Variants in DLGAP2 observed in about 807,000 individuals in gnomAD.
DLGAP2 encodes the protein disks large-associated protein 2.
DLGAP2 carries 26 observed loss-of-function variants against 100.3 expected under a neutral mutation model. That is an observed-to-expected ratio of 0.26 (90% confidence interval 0.19 to 0.36). DLGAP2 has a LOEUF of 0.36. Ranked by LOEUF, DLGAP2 falls within the 10% of genes least tolerant of loss-of-function variation. DLGAP2 has a pLI of 1.00. For synonymous variants in DLGAP2, 886 were observed against 630.1 expected (o/e 1.41, Z -6.08); for missense variants, 1,858 against 1,453.2 (o/e 1.28, Z -4.53).
intron 1 of DLGAP2, among the ~76,000 whole-genome samples, chr8:853,553 C>G (rs1192456755): frequency 6.6e-6 from 1 of 152,106 alleles, no homozygotes; most frequent in Admixed American, 6.5e-5. Context: ...AAGCCCAGGG[C>G]CAGACTCACC....
intron 2 of DLGAP2, among the ~76,000 whole-genome samples, chr8:1,058,736 A>G (rs1028827478): frequency 2.0e-5 from 3 of 152,234 alleles, no homozygotes; most frequent in Admixed American, 6.5e-5. Flanking sequence ...GCCTTATATT[A>G]TATGGACAAG....
intron 2 of DLGAP2, among the ~76,000 whole-genome samples, chr8:914,045 T>C (rs1798542278): frequency 6.6e-6 from 1 of 152,274 alleles, no homozygotes; most frequent in South Asian, 2.1e-4. Flanking sequence ...AGATTAAATA[T>C]GAGGTCTCAT....
At chr8:1,347,261 C>A (rs533122532) in intron 3 of DLGAP2, among the ~76,000 whole-genome samples, 7 of 151,430 alleles carry the variant, frequency 4.6e-5, no homozygotes, top group Admixed American at 1.3e-4. Context: ...GGTTGAGTTC[C>A]CACATAGAGC....
At chr8:1,456,318 C>T (rs1227329677) in intron 3 of DLGAP2, among the ~76,000 whole-genome samples, 3 of 152,214 alleles carry the variant, frequency 2.0e-5, no homozygotes, top group Admixed American at 2.0e-4. Context: ...AGGCTGCCAC[C>T]CTGTACGTAT....
intron 3 of DLGAP2, among the ~76,000 whole-genome samples, chr8:1,432,627 A>T (rs184259023): frequency 2.0e-5 from 3 of 152,208 alleles, no homozygotes; most frequent in Admixed American, 1.3e-4. Context: ...AGTTAATTGT[A>T]AAAACACATT....
Position 1,707,195 on chromosome 8 carries a change from G to C in DLGAP2, c.*5789G>C, listed in dbSNP as rs1466071057. The stretch of plus-strand genomic sequence containing the variant: ...CTTATTCAGAACCTGAAAGCCTTGG[G>C]CATCCAAGCTTTCACCTACTCAATG... On this transcript the variant is annotated 3_prime_UTR_variant, in exon 15 of 15. Transcript: ENST00000637795. 4 of 152,572 alleles carry C rather than the reference G, an allele frequency of 2.6e-5. No individual in the cohort carries two copies. Among genetic ancestry groups the C allele is most frequent in the Non-Finnish European group, 5.9e-5 (4 of 68,042 alleles). 9.5% of individuals were successfully genotyped at this position (152,572 alleles called of 1,614,324 possible).
intron 4 of DLGAP2, among the ~76,000 whole-genome samples, chr8:1,544,535 T>G (rs1388666039): frequency 6.6e-6 from 1 of 152,202 alleles, no homozygotes; most frequent in African/African-American, 2.4e-5. Flanking sequence ...GAAATAGTGT[T>G]GTACTTTGTC....
chr8:1,236,363 G>A (rs1219838963), intron 2 of DLGAP2, among the ~76,000 whole-genome samples: 11 of 51,094 alleles, frequency 2.2e-4, no homozygotes, highest in Non-Finnish European at 3.8e-4. Context: ...CTCTCCCATG[G>A]CGCCGTGTCT....
At chr8:1,217,713 A>T (rs2116803914) in intron 2 of DLGAP2, among the ~76,000 whole-genome samples, 1 of 152,296 alleles carries the variant, frequency 6.6e-6, no homozygotes, top group African/African-American at 2.4e-5. Flanking sequence ...GAACTAATTT[A>T]TATTCCCACC....
intron 4 of DLGAP2, among the ~76,000 whole-genome samples, chr8:1,505,484 A>G (rs1406831296): frequency 6.6e-6 from 1 of 152,238 alleles, no homozygotes; most frequent in Non-Finnish European, 1.5e-5. Flanking sequence ...ATGAATTAAT[A>G]AAACCGCCCA....
intron 6 of DLGAP2, among the ~76,000 whole-genome samples, chr8:1,612,569 A>T (rs71499022): frequency 2.7e-5 from 1 of 36,404 alleles, no homozygotes; most frequent in Non-Finnish European, 5.3e-5. Context: ...AGAGCTTCTG[A>T]ACAGCAAAAG....
At chr8:848,760 C>T (rs1176075733) in intron 1 of DLGAP2, among the ~76,000 whole-genome samples, 9 of 143,206 alleles carry the variant, frequency 6.3e-5, no homozygotes, top group African/African-American at 2.1e-4. Flanking sequence ...TAGGGTCGTG[C>T]GGTGCGTGTT....
chr8:1,483,779 G>T (rs1240537403), intron 3 of DLGAP2, among the ~76,000 whole-genome samples: 1 of 152,170 alleles, frequency 6.6e-6, no homozygotes, highest in East Asian at 1.9e-4. Flanking sequence ...ATGGGGACCA[G>T]GGAGGCAGGC....
chr8:1,511,215 G>C (rs1011549789), intron 4 of DLGAP2, among the ~76,000 whole-genome samples: 7 of 151,458 alleles, frequency 4.6e-5, no homozygotes, highest in Non-Finnish European at 8.8e-5. Context: ...GCTGTCTAGT[G>C]TAAGACAGTC....
chr8:907,989 A>T (rs1490361474), intron 2 of DLGAP2, 23 bp downstream of exon 2: 1 of 398,790 alleles, frequency 2.5e-6, no homozygotes, highest in East Asian at 3.6e-5. Context: ...CATTCTTCTG[A>T]TTTGGGATTA....
chr8:1,365,205 C>T (rs371814593), intron 3 of DLGAP2, among the ~76,000 whole-genome samples: 7 of 152,254 alleles, frequency 4.6e-5, no homozygotes, highest in African/African-American at 1.2e-4. Flanking sequence ...CACTTCTACC[C>T]GGTCCACACC....
chr8:1,689,749 G>A (rs1170623517), intron 12 of DLGAP2, among the ~76,000 whole-genome samples: 1 of 152,198 alleles, frequency 6.6e-6, no homozygotes, highest in African/African-American at 2.4e-5. Flanking sequence ...CTGAAAGCCA[G>A]TGATGGGGAG....
intron 3 of DLGAP2, among the ~76,000 whole-genome samples, chr8:1,321,233 G>A (rs535428614): frequency 6.6e-6 from 1 of 151,208 alleles, no homozygotes; most frequent in Non-Finnish European, 1.5e-5. Flanking sequence ...GTGTGCATCT[G>A]TGTCTCTGCA....
At chr8:1,196,459 C>A (rs1797751601) in intron 2 of DLGAP2, among the ~76,000 whole-genome samples, 2 of 152,112 alleles carry the variant, frequency 1.3e-5, no homozygotes, top group African/African-American at 4.8e-5. Context: ...GATCCTGTGC[C>A]CCCGAAGGAA....
Sources: allele counts gnomAD v4.1 joint callset (sites outside exome capture counted in the v4.1 genomes callset), GRCh38; gene constraint gnomAD v4.1.1; transcripts MANE v1.5; gene names NCBI Gene and HGNC (gene_info 2026-07-23, HGNC 2026-07-21).